CPNE4: variants seen among roughly 807,000 people sequenced by gnomAD.
CPNE4 encodes the protein copine 4.
In CPNE4, 25 loss-of-function variants were observed where a neutral mutation model predicts 67.9. The observed-to-expected ratio is 0.37, with a 90% CI of 0.27 to 0.51. The LOEUF (loss-of-function observed/expected upper bound fraction) is 0.51, where lower values mean the gene tolerates loss of function less well. CPNE4 is among the 20% of genes least tolerant of loss of function. The probability of loss-of-function intolerance (pLI) is 0.93; values close to 1 mark genes in which losing one functional copy is unlikely to be tolerated. For missense variants in CPNE4, 464 were observed against 690.8 expected, an observed-to-expected ratio of 0.67 and a Z score of 3.68; for synonymous variants, 242 against 244.9, an observed-to-expected ratio of 0.99 and a Z score of 0.11.
At chr3:131,998,287 C>A (rs893036414) in intron 1 of CPNE4, among the ~76,000 whole-genome samples, 1 of 152,096 alleles carries the variant, frequency 6.6e-6, no homozygotes, top group Non-Finnish European at 1.5e-5. Flanking sequence ...AATTGCTGAT[C>A]CCACGTGTGT....
chr3:131,819,787 A>C (rs1167523250), intron 2 of CPNE4, among the ~76,000 whole-genome samples: 1 of 152,200 alleles, frequency 6.6e-6, no homozygotes, highest in Non-Finnish European at 1.5e-5. Flanking sequence ...GGAAGTAGAG[A>C]AGAATGCCAA....
chr3:131,948,338 C>T (rs2071621352), intron 1 of CPNE4, among the ~76,000 whole-genome samples: 1 of 152,178 alleles, frequency 6.6e-6, no homozygotes, highest in Non-Finnish European at 1.5e-5. Context: ...CCTTCTTGCA[C>T]TCACTCTGTC....
At chr3:132,009,410 T>A (rs1444749869) in intron 1 of CPNE4, among the ~76,000 whole-genome samples, 2 of 152,184 alleles carry the variant, frequency 1.3e-5, no homozygotes, top group African/African-American at 4.8e-5. Flanking sequence ...AGAGGCCATG[T>A]TGATGCCATA....
intron 2 of CPNE4, among the ~76,000 whole-genome samples, chr3:131,816,115 C>G (rs901384144): frequency 2.0e-5 from 3 of 152,086 alleles, no homozygotes; most frequent in Non-Finnish European, 4.4e-5. Context: ...ATATAGAATA[C>G]TTGGAGTATG....
intron 2 of CPNE4, among the ~76,000 whole-genome samples, chr3:131,811,201 CAT>C (rs1419185086): frequency 2.6e-5 from 4 of 151,932 alleles, no homozygotes; most frequent in African/African-American, 9.7e-5. Flanking sequence ...CACACATACA[CAT>C]ATTAACAATT....
chr3:131,855,877 A>C (rs765947455), intron 2 of CPNE4, among the ~76,000 whole-genome samples: 39 of 152,126 alleles, frequency 2.6e-4, no homozygotes, highest in Non-Finnish European at 5.0e-4. Flanking sequence ...CTTTCTAATA[A>C]ACAAATATTG....
chr3:131,687,460 C>T (rs78428613), intron 5 of CPNE4, among the ~76,000 whole-genome samples: 2,548 of 152,260 alleles, frequency 0.017, 41 homozygotes, highest in African/African-American at 0.044. Context: ...AAACCTTATT[C>T]ATCACCATCA....
chr3:131,649,064 A>G (rs956032589), intron 7 of CPNE4, among the ~76,000 whole-genome samples: 1 of 152,248 alleles, frequency 6.6e-6, no homozygotes, highest in Non-Finnish European at 1.5e-5. Flanking sequence ...CTGGAAACAC[A>G]TGAACAACAG....
chr3:131,899,358 T>A (rs900355260), intron 2 of CPNE4, among the ~76,000 whole-genome samples: 3 of 152,102 alleles, frequency 2.0e-5, no homozygotes, highest in East Asian at 1.9e-4. Flanking sequence ...GATTTTCTGG[T>A]TGCTTGGAAG....
At chr3:131,539,212 G>A (rs1339987541) in intron 15 of CPNE4, among the ~76,000 whole-genome samples, 1 of 152,202 alleles carries the variant, frequency 6.6e-6, no homozygotes, top group Admixed American at 6.5e-5. Context: ...TGCGCCTGGT[G>A]TTCTTCCTTG....
chr3:132,037,054 C>A (rs1295225599), upstream of CPNE4, among the ~76,000 whole-genome samples: 1 of 152,162 alleles, frequency 6.6e-6, no homozygotes, highest in Admixed American at 6.5e-5. Context: ...TTCATTGAAG[C>A]AGTCTCTAAA....
intron 1 of CPNE4, among the ~76,000 whole-genome samples, chr3:131,922,165 A>C (rs73206074): frequency 0.34 from 51,248 of 152,018 alleles, 9,079 homozygotes; most frequent in East Asian, 0.51. Flanking sequence ...AAGTGAGAAC[A>C]TGTGGTATAA....
chr3:131,968,230 T>C (rs1021542214), intron 1 of CPNE4, among the ~76,000 whole-genome samples: 1 of 152,150 alleles, frequency 6.6e-6, no homozygotes, highest in Non-Finnish European at 1.5e-5. Flanking sequence ...ATGACTTAAA[T>C]ATAAAACCTA....
At chr3:131,865,752 C>T (rs2086917267) in intron 2 of CPNE4, among the ~76,000 whole-genome samples, 1 of 152,196 alleles carries the variant, frequency 6.6e-6, no homozygotes, top group African/African-American at 2.4e-5. Flanking sequence ...ACAAGTTGGG[C>T]TCTCCAAGAA....
intron 5 of CPNE4, among the ~76,000 whole-genome samples, chr3:131,694,979 T>A (rs544884410): frequency 6.6e-6 from 1 of 152,192 alleles, no homozygotes; most frequent in Non-Finnish European, 1.5e-5. Flanking sequence ...CATGCAGCAA[T>A]AGAAAACCAG....
intron 1 of CPNE4, among the ~76,000 whole-genome samples, chr3:131,934,439 G>C (rs769831364): frequency 6.6e-6 from 1 of 152,182 alleles, no homozygotes; most frequent in Non-Finnish European, 1.5e-5. Context: ...CATACTTTAA[G>C]TTCTGTGATA....
intron 7 of CPNE4, among the ~76,000 whole-genome samples, chr3:131,615,297 C>T (rs1940071411): frequency 6.6e-6 from 1 of 152,156 alleles, no homozygotes; most frequent in African/African-American, 2.4e-5. Flanking sequence ...GTTTAGGTCT[C>T]CAGCTCATAG....
chr3:132,028,397 C>A (rs2074161652), intron 1 of CPNE4, among the ~76,000 whole-genome samples: 1 of 152,182 alleles, frequency 6.6e-6, no homozygotes, highest in Admixed American at 6.5e-5. Context: ...ACCAGTCTGC[C>A]TGTGCCTCAA....
chr3:131,623,834 C>T (rs1285087597), intron 7 of CPNE4, among the ~76,000 whole-genome samples: 2 of 152,216 alleles, frequency 1.3e-5, no homozygotes, highest in African/African-American at 4.8e-5. Context: ...GTTCAGTTGG[C>T]TGAACTAGGA....
Sources: gnomAD v4.1 joint callset for allele counts (sites outside exome capture counted in the v4.1 genomes callset) on GRCh38, gnomAD v4.1.1 for gene constraint, MANE v1.5 for transcripts, NCBI Gene and HGNC (gene_info 2026-07-23, HGNC 2026-07-21) for gene names.